The following SYNPO2 variants were observed in gnomAD, a reference collection of about 807,000 sequenced individuals.
SYNPO2 encodes the protein synaptopodin 2, also known as synaptopodin-2.
Under a neutral mutation model 85.0 loss-of-function variants are expected in SYNPO2, and 56 were observed. That is an observed-to-expected ratio of 0.66 (90% confidence interval 0.53 to 0.82). SYNPO2 has a LOEUF of 0.82. Among genes scored for constraint, SYNPO2 ranks in the 40% least tolerant of loss-of-function variants. The pLI is 0.00. For synonymous variants in SYNPO2, 602 were observed against 591.1 expected (o/e 1.02, Z -0.27); for missense variants, 1,575 against 1,534.2 (o/e 1.03, Z -0.44).
intron 1 of SYNPO2, among the ~76,000 whole-genome samples, chr4:118,940,989 T>G (rs6826016): frequency 0.58 from 87,815 of 151,854 alleles, 26,101 homozygotes; most frequent in Admixed American, 0.72. Context: ...TAAGTGAGTT[T>G]AAAATCACTG....
At chr4:118,944,788 T>G (rs1366384130) in intron 1 of SYNPO2, among the ~76,000 whole-genome samples, 1 of 152,218 alleles carries the variant, frequency 6.6e-6, no homozygotes, top group African/African-American at 2.4e-5. Context: ...GTATGATGTA[T>G]CTAACAATTT....
At chr4:118,898,846 A>G (rs1414378187) in intron 1 of SYNPO2, among the ~76,000 whole-genome samples, 1 of 152,148 alleles carries the variant, frequency 6.6e-6, no homozygotes, top group Non-Finnish European at 1.5e-5. Context: ...AAAATACCAC[A>G]GTTCTCTCAA....
upstream of SYNPO2, among the ~76,000 whole-genome samples, chr4:118,885,718 C>T (rs921031449): frequency 7.2e-5 from 11 of 152,178 alleles, no homozygotes; most frequent in South Asian, 2.3e-3. Flanking sequence ...AGTGATCCAC[C>T]CACCTTGCCC....
At chr4:119,055,415 C>T (rs928118759) in intron 4 of SYNPO2, among the ~76,000 whole-genome samples, 1 of 152,146 alleles carries the variant, frequency 6.6e-6, no homozygotes, top group East Asian at 1.9e-4. Flanking sequence ...TCAGCCTCCC[C>T]AAGAGTTGGG....
At chr4:119,057,129 G>A (rs972007539) in intron 4 of SYNPO2, among the ~76,000 whole-genome samples, 1 of 152,126 alleles carries the variant, frequency 6.6e-6, no homozygotes, top group Non-Finnish European at 1.5e-5. Context: ...AGCAACTGGG[G>A]CTATGCGTTC....
intron 1 of SYNPO2, among the ~76,000 whole-genome samples, chr4:118,964,489 C>G (rs901003771): frequency 1.4e-5 from 2 of 146,558 alleles, no homozygotes; most frequent in African/African-American, 5.0e-5. Flanking sequence ...GAGCCTGTCT[C>G]AAAAGTAAAT....
At chr4:118,880,247 C>A (rs1054470749) in intron 1 of SYNPO2, among the ~76,000 whole-genome samples, 1 of 152,118 alleles carries the variant, frequency 6.6e-6, no homozygotes. Context: ...ATACTTTGTG[C>A]ATTGGGAAGA....
At chr4:118,978,792 GAC>G (rs5861400) in intron 1 of SYNPO2, among the ~76,000 whole-genome samples, 8,972 of 148,314 alleles carry the variant, frequency 0.06, 318 homozygotes, top group Middle Eastern at 0.14. Context: ...CTCCTGCCAT[GAC>G]ACACACACAC....
intron 4 of SYNPO2, chr4:119,035,859 G>A (rs915304982): frequency 6.3e-5 from 62 of 985,104 alleles, no homozygotes; most frequent in Non-Finnish European, 7.0e-5. Context: ...TTGAAAGGGG[G>A]TAGACTAACG....
At chr4:118,862,842 G>T (rs1049197996) in intron 1 of SYNPO2, among the ~76,000 whole-genome samples, 32 of 148,690 alleles carry the variant, frequency 2.2e-4, no homozygotes, top group African/African-American at 7.7e-4. Context: ...ATGGAATCTT[G>T]CTCTGTCGCC....
chr4:118,905,263 T>C (rs116491664), intron 1 of SYNPO2, among the ~76,000 whole-genome samples: 2,360 of 152,328 alleles, frequency 0.015, 31 homozygotes, highest in Non-Finnish European at 0.021. Context: ...CTTTCTTATT[T>C]GAGCTGGAAA....
chr4:118,975,371 T>C (rs1735684839), intron 1 of SYNPO2, among the ~76,000 whole-genome samples: 1 of 152,164 alleles, frequency 6.6e-6, no homozygotes. Context: ...GGGCAAGAAG[T>C]TCCTTTCAGA....
intron 1 of SYNPO2, among the ~76,000 whole-genome samples, chr4:119,013,878 T>C (rs192266342): frequency 3.8e-4 from 58 of 152,328 alleles, no homozygotes; most frequent in Admixed American, 2.5e-3. Context: ...TAACAGAGTA[T>C]GAAAAATTTA....
chr4:118,964,183 C>T (rs952722121), intron 1 of SYNPO2, among the ~76,000 whole-genome samples: 3 of 152,122 alleles, frequency 2.0e-5, no homozygotes, highest in South Asian at 2.1e-4. Flanking sequence ...TGTGTGGTGG[C>T]TCATGCCTGC....
chr4:118,926,523 T>C (rs1219115042), intron 1 of SYNPO2, among the ~76,000 whole-genome samples: 2 of 152,168 alleles, frequency 1.3e-5, no homozygotes, highest in Admixed American at 1.3e-4. Context: ...TTAAATATTC[T>C]TTCTGCCATG....
At chr4:119,057,326 G>T (rs1739236367) in intron 4 of SYNPO2, 75 bp from the exon 5 acceptor site, 20 of 1,407,524 alleles carry the variant, frequency 1.4e-5, no homozygotes, top group Non-Finnish European at 1.8e-5. Flanking sequence ...TGGTAATGGT[G>T]CTAGGAATAC....
intron 1 of SYNPO2, among the ~76,000 whole-genome samples, chr4:119,004,836 C>T (rs1736968103): frequency 1.3e-5 from 2 of 152,012 alleles, no homozygotes; most frequent in Non-Finnish European, 2.9e-5. Context: ...AGTTTACAGT[C>T]CCACCAACAG....
In SYNPO2 at chr4:119,029,926, C is replaced by T. The variant is rs1561001222; in HGVS notation, c.1151C>T (p.Thr384Met). ...SKCKSIALLL[T>M]DAPNPNSKGV... Reference sequence around the variant, plus strand: ...TGCAAAAGCATTGCCCTTCTTCTAACGGATGCTCCCAACCCCAACTCCAAG... The same window carrying T: ...TGCAAAAGCATTGCCCTTCTTCTAATGGATGCTCCCAACCCCAACTCCAAG... Residue 384 changes from threonine to methionine, a missense_variant, in exon 4 of 5, where the codon ACG (threonine) becomes ATG (methionine). By Grantham distance (81) the Thr-to-Met change is moderately conservative. Around this residue, in one of 3 missense-constraint regions of SYNPO2, gnomAD observed 1,508 missense variants for 1,446.8 expected, o/e 1.04. Transcript: ENST00000307142. 2 of 1,613,138 alleles carry T rather than the reference C, an allele frequency of 1.2e-6. No homozygotes were observed. Among genetic ancestry groups the T allele is most frequent in the Admixed American group, 1.7e-5 (1 of 59,908 alleles).
rs145249903 is a variant in SYNPO2, at chr4:119,019,177, T to G, written c.106-4253T>G. On this transcript the variant is annotated intron_variant, in intron 1 of 4. Coordinates refer to ENST00000307142, the MANE Select transcript of SYNPO2 (RefSeq NM_133477.3). ...ACCCCCCGTGACACGTGTTTACCTC[T>G]GTAACAAACCTTCACATGTACCCCT... is the stretch of plus-strand genomic sequence containing the variant. 1.5e-3 allele frequency among the ~76,000 whole-genome samples: 229 copies of G among 152,296 alleles called. 1 individual carries two copies. Among genetic ancestry groups the G allele is most frequent in the Non-Finnish European group, 2.5e-3 (168 of 68,026 alleles).
Sources: gnomAD v4.1 joint callset for allele counts (sites outside exome capture counted in the v4.1 genomes callset) on GRCh38, gnomAD v4.1.1 for gene constraint, gnomAD v4.1.1 regional missense constraint, MANE v1.5 for transcripts, NCBI Gene and HGNC (gene_info 2026-07-23, HGNC 2026-07-21) for gene names.